RGS6: variants seen among roughly 807,000 people sequenced by gnomAD.
The protein encoded by RGS6 is regulator of G protein signaling 6.
Under a neutral mutation model 78.5 loss-of-function variants are expected in RGS6, and 30 were observed. The observed-to-expected ratio is 0.38, with a 90% confidence interval of 0.29 to 0.52. The LOEUF (loss-of-function observed/expected upper bound fraction) is 0.52. Among genes scored for constraint, RGS6 ranks in the 20% least tolerant of loss-of-function variants. RGS6 has a pLI of 0.85. For synonymous variants in RGS6, 206 were observed against 206.0 expected (o/e 1.00, Z 0.00); for missense variants, 495 against 609.7 (o/e 0.81, Z 1.98).
At chr14:72,476,883 C>T in intron 11 of RGS6, 43 bp downstream of exon 11, 2 of 1,547,412 alleles carry the variant, frequency 1.3e-6, no homozygotes, top group South Asian at 1.1e-5. Flanking sequence ...GAGACGTGGC[C>T]AGTTTAAAAA....
chr14:72,311,182 G>T (rs2068531406), intron 2 of RGS6, among the ~76,000 whole-genome samples: 2 of 152,288 alleles, frequency 1.3e-5, no homozygotes, highest in South Asian at 4.1e-4. Flanking sequence ...CAAAAGGAAA[G>T]GCCCTTTGCT....
chr14:71,981,223 C>T (rs1318687354), intron 2 of RGS6, among the ~76,000 whole-genome samples: 2 of 151,616 alleles, frequency 1.3e-5, no homozygotes, highest in African/African-American at 4.8e-5. Context: ...TCCCGTAGCT[C>T]AGAGTAATTT....
intron 2 of RGS6, among the ~76,000 whole-genome samples, chr14:72,175,892 C>G (rs1251860992): frequency 6.6e-6 from 1 of 152,154 alleles, no homozygotes; most frequent in East Asian, 1.9e-4. Context: ...GCTGGTCCCC[C>G]ACTCTCAGCC....
chr14:72,581,830 AGTCT>A, the RGS6 span, among the ~76,000 whole-genome samples: 3 of 152,226 alleles, frequency 2.0e-5, no homozygotes, highest in African/African-American at 7.2e-5. Flanking sequence ...GGTCTGTCTT[AGTCT>A]GTTTTGTGTT....
intron 5 of RGS6, 112 bp downstream of exon 5, chr14:72,458,489 C>T (rs914128187): frequency 1.6e-5 from 12 of 762,036 alleles, no homozygotes; most frequent in Non-Finnish European, 1.9e-5. Flanking sequence ...GCCCTCACTC[C>T]TCATCAGCAC....
At position 71,980,329 on chromosome 14, in the gene RGS6, G is replaced by A. The variant is rs1323041385; in HGVS notation, c.84+15454G>A. ...ATGATGTTAGCTGGTGATTTTGCTC[G>A]TTAGTTGATGCAGTTTCTTCCTAGT... On this transcript the variant is annotated intron_variant, in intron 2 of 17. Transcript: ENST00000553525. 3.4e-3 allele frequency among the ~76,000 whole-genome samples: 481 copies of A among 142,978 alleles called. 2 individuals are homozygous for A. Among genetic ancestry groups the A allele is most frequent in the African/African-American group, 0.012 (452 of 37,912 alleles). 93.8% of individuals were successfully genotyped at this position (142,978 alleles called of 152,430 possible). A position where few individuals can be genotyped will look rare whatever the true frequency, so the allele number is the denominator to read the frequency against.
At chr14:72,308,987 A>G (rs2152449455) in intron 2 of RGS6, among the ~76,000 whole-genome samples, 1 of 152,310 alleles carries the variant, frequency 6.6e-6, no homozygotes, top group South Asian at 2.1e-4. Context: ...GAGTGGCCTT[A>G]GTATCAGTGT....
chr14:72,613,042 G>GTGCACGCACGCGCA, the RGS6 span, among the ~76,000 whole-genome samples: 3 of 151,162 alleles, frequency 2.0e-5, no homozygotes, highest in South Asian at 2.1e-4. Context: ...ATGTGCGTGC[G>GTGCACGCACGCGCA]TGCACGCACG....
intron 2 of RGS6, among the ~76,000 whole-genome samples, chr14:72,077,501 CT>C (rs1386614811): frequency 3.9e-5 from 6 of 152,070 alleles, no homozygotes; most frequent in Non-Finnish European, 8.8e-5. Flanking sequence ...ATTGAAAGCC[CT>C]TTTCCACCCC....
chr14:72,603,810 G>A, the RGS6 span, among the ~76,000 whole-genome samples: 1 of 152,184 alleles, frequency 6.6e-6, no homozygotes, highest in African/African-American at 2.4e-5. Context: ...GGAGATTCCA[G>A]ACAAGAGATC....
chr14:72,552,088 T>C (rs1393958096), intron 17 of RGS6, among the ~76,000 whole-genome samples: 3 of 152,240 alleles, frequency 2.0e-5, no homozygotes, highest in African/African-American at 7.2e-5. Flanking sequence ...TTCTGCAAGA[T>C]AGGCATCATT....
chr14:72,494,286 T>C (rs529001138), intron 12 of RGS6, among the ~76,000 whole-genome samples: 1 of 152,302 alleles, frequency 6.6e-6, no homozygotes, highest in South Asian at 2.1e-4. Context: ...TTAACAAAAA[T>C]TGTAACACAA....
At chr14:72,373,766 C>T (rs560833589) in intron 3 of RGS6, among the ~76,000 whole-genome samples, 5 of 152,106 alleles carry the variant, frequency 3.3e-5, no homozygotes, top group South Asian at 2.1e-4. Context: ...TTCTTGTTGG[C>T]GTGTCTCACT....
At chr14:72,387,652 A>G (rs961254779) in intron 3 of RGS6, among the ~76,000 whole-genome samples, 1 of 152,194 alleles carries the variant, frequency 6.6e-6, no homozygotes, top group African/African-American at 2.4e-5. Flanking sequence ...GTATACCTAT[A>G]TACGTATGAC....
intron 15 of RGS6, among the ~76,000 whole-genome samples, chr14:72,525,256 G>A (rs75228415): frequency 0.022 from 3,416 of 152,304 alleles, 55 homozygotes; most frequent in Middle Eastern, 0.048. Context: ...AAGAAAAGCA[G>A]GTTAAATTAA....
intron 2 of RGS6, among the ~76,000 whole-genome samples, chr14:72,179,940 A>T (rs1032758726): frequency 4.6e-5 from 7 of 152,204 alleles, no homozygotes; most frequent in Non-Finnish European, 8.8e-5. Context: ...TAAGGATCAC[A>T]ACAAATCCAA....
At position 72,454,657 on chromosome 14, in the gene RGS6, C is replaced by T. The variant is rs973890418; in HGVS notation, c.235+79C>T. 10 of 1,130,798 alleles carry T rather than the reference C, an allele frequency of 8.8e-6. No homozygotes were observed. In the African/African-American group the frequency reaches 1.5e-4, roughly 18 times the overall value. The allele number at this position is 1,130,798 out of a possible 1,614,324, so 70.0% of individuals were successfully genotyped here. ...TAACCAAGTTCCAAACTAGATTCCC[C>T]TGCCCTCCTGAGAACTGGTCTTGTA... is the stretch of plus-strand genomic sequence containing the variant. On this transcript the variant is annotated intron_variant, in intron 4 of 17. Transcript: ENST00000553525.
At chr14:72,301,535 G>A (rs532515441) in intron 2 of RGS6, among the ~76,000 whole-genome samples, 1 of 152,176 alleles carries the variant, frequency 6.6e-6, no homozygotes, top group African/African-American at 2.4e-5. Flanking sequence ...ATCCTGGTCA[G>A]AAGCTACCCC....
intron 2 of RGS6, among the ~76,000 whole-genome samples, chr14:72,240,037 C>T (rs991938588): frequency 2.0e-5 from 3 of 152,164 alleles, no homozygotes; most frequent in Non-Finnish European, 4.4e-5. Context: ...TACACACACA[C>T]ACACGCTTAA....
Sources: gnomAD v4.1 joint callset for allele counts (sites outside exome capture counted in the v4.1 genomes callset) on GRCh38, gnomAD v4.1.1 for gene constraint, MANE v1.5 for transcripts, NCBI Gene and HGNC (gene_info 2026-07-23, HGNC 2026-07-21) for gene names.